The following AGO3 variants were observed in gnomAD, a reference collection of about 807,000 sequenced individuals.
The protein encoded by AGO3 is argonaute RISC catalytic component 3, also known as protein argonaute-3.
A neutral mutation model predicts 105.5 loss-of-function variants in AGO3; 16 were observed. The observed-to-expected ratio is 0.15, with a 90% CI of 0.10 to 0.23. The LOEUF is 0.23. Among genes scored for constraint, AGO3 ranks in the 10% least tolerant of loss-of-function variants. The pLI is 1.00. For missense variants in AGO3, 534 were observed against 1,088.0 expected, an observed-to-expected ratio of 0.49 and a Z score of 7.16; for synonymous variants, 340 against 367.3, an observed-to-expected ratio of 0.93 and a Z score of 0.85.
rs1048771421 is a variant in AGO3 at position 36,064,304 on chromosome 1, C to G, written c.*8559C>G. 6.6e-6 allele frequency: 1 copy of G among 152,238 alleles called. No homozygotes were observed. The highest frequency in any genetic ancestry group is 2.4e-5 in the African/African-American group (1 of 41,416). 9.4% of individuals were successfully genotyped at this position (152,238 alleles called of 1,614,324 possible). A position where few individuals can be genotyped will look rare whatever the true frequency, so the allele number is the denominator to read the frequency against. ...CTGAGGCAGGAGAATCACTTGAACTCGGGAGGCGGAGGTTGCAGTGAGCCA... is the reference window on the plus strand; with the variant it reads ...CTGAGGCAGGAGAATCACTTGAACTGGGGAGGCGGAGGTTGCAGTGAGCCA... On this transcript the variant is annotated 3_prime_UTR_variant, in exon 19 of 19. Transcript: ENST00000373191.
At chr1:36,038,252 C>CTT (rs781058020) in intron 14 of AGO3, among the ~76,000 whole-genome samples, 9,823 of 112,556 alleles carry the variant, frequency 0.087, 892 homozygotes, top group African/African-American at 0.16. Flanking sequence ...TGGATTTATT[C>CTT]TTTTTTTTTT....
chr1:36,015,569 G>A (rs745739986), intron 11 of AGO3, among the ~76,000 whole-genome samples: 1 of 152,142 alleles, frequency 6.6e-6, no homozygotes, highest in Non-Finnish European at 1.5e-5. Context: ...CTACCTATAG[G>A]CTACCAGCCG....
In AGO3 at chr1:36,039,876, G is replaced by A. The variant is rs770936715; in HGVS notation, c.1929G>A (p.Leu643=). Residue 643 remains leucine, a synonymous_variant, in exon 15 of 19, where the codon TTG becomes TTA. Transcript: ENST00000373191. ...CCCGACAGGAGATCATCCAGGACTT[G>A]GCCTCCATGGTCCGGGAACTTCTTA... is the stretch of plus-strand genomic sequence containing the variant. ...QRPRQEIIQD[L]ASMVRELLIQ... 6.2e-7 allele frequency: 1 copy of A among 1,613,888 alleles called. No homozygotes were observed. The highest frequency in any genetic ancestry group is 8.5e-7 in the Non-Finnish European group (1 of 1,179,930).
At position 36,058,200 on chromosome 1, in the gene AGO3, A is replaced by T; in HGVS notation, c.*2455A>T. The T allele has an allele frequency of 6.6e-6, 1 of 152,196 alleles. No homozygotes were observed. The allele number at this position is 152,196 out of a possible 1,614,324, so 9.4% of individuals were successfully genotyped here. On this transcript the variant is annotated 3_prime_UTR_variant, in exon 19 of 19. Transcript: ENST00000373191. ...AGATGATATTTTAAAACTTTTGCTAATGTATCACCAGTATAACTTTCCTTT... is the reference window on the plus strand; with the variant it reads ...AGATGATATTTTAAAACTTTTGCTATTGTATCACCAGTATAACTTTCCTTT...
At chr1:36,044,482 G>A (rs1165553182) in intron 17 of AGO3, among the ~76,000 whole-genome samples, 1 of 151,936 alleles carries the variant, frequency 6.6e-6, no homozygotes, top group Non-Finnish European at 1.5e-5. Flanking sequence ...GGAGTACAGT[G>A]GCATGATCTC....
At chr1:36,051,581 G>A (rs1236426662) in intron 17 of AGO3, among the ~76,000 whole-genome samples, 1 of 151,882 alleles carries the variant, frequency 6.6e-6, no homozygotes, top group African/African-American at 2.4e-5. Context: ...TTAGCTGGAC[G>A]TGCTGACATG....
At chr1:36,051,529 G>A (rs1328189625) in intron 17 of AGO3, among the ~76,000 whole-genome samples, 1 of 152,008 alleles carries the variant, frequency 6.6e-6, no homozygotes, top group Non-Finnish European at 1.5e-5. Context: ...AGACAAGCCT[G>A]GGCAACATAG....
Position 36,009,610 on chromosome 1 carries a change from T to A in AGO3, c.1149+16T>A. ...TAGCAGATTGGTTAGTACTTAACCT[T>A]AGAAATGAGAATTTAAAACATATTA... On this transcript the variant is annotated intron_variant, in intron 9 of 18. Coordinates refer to ENST00000373191, the MANE Select transcript of AGO3 (RefSeq NM_024852.4). The A allele has an allele frequency of 6.2e-7, 1 of 1,601,414 alleles. No homozygotes were observed. The highest frequency in any genetic ancestry group is 1.8e-5 in the Admixed American group (1 of 55,186).
intron 2 of AGO3, among the ~76,000 whole-genome samples, chr1:35,954,838 GT>G (rs1440717590): frequency 6.6e-6 from 1 of 152,196 alleles, no homozygotes; most frequent in Non-Finnish European, 1.5e-5. Flanking sequence ...CAAAATAATT[GT>G]ATCATAAAAG....
At chr1:36,044,280 G>A (rs1642369685) in intron 17 of AGO3, among the ~76,000 whole-genome samples, 1 of 152,142 alleles carries the variant, frequency 6.6e-6, no homozygotes, top group Non-Finnish European at 1.5e-5. Context: ...GGAGGCAGAG[G>A]GAGGTTGCCA....
intron 2 of AGO3, among the ~76,000 whole-genome samples, chr1:35,947,243 A>C: frequency 6.6e-6 from 1 of 152,004 alleles, no homozygotes; most frequent in African/African-American, 2.4e-5. Context: ...CAACATTCCT[A>C]TAGGTGGTTT....
At chr1:35,946,327 A>G (rs537461205) in intron 2 of AGO3, among the ~76,000 whole-genome samples, 7 of 152,238 alleles carry the variant, frequency 4.6e-5, no homozygotes, top group Admixed American at 4.6e-4. Context: ...TTACCATTAT[A>G]TAGGAATAAG....
intron 11 of AGO3, among the ~76,000 whole-genome samples, chr1:36,022,536 C>T (rs1295098983): frequency 2.0e-5 from 3 of 152,070 alleles, no homozygotes; most frequent in Non-Finnish European, 2.9e-5. Flanking sequence ...CTCAGTTCTT[C>T]AGAAATTAAG....
At chr1:35,981,952 A>G (rs1033394722) in intron 5 of AGO3, among the ~76,000 whole-genome samples, 12 of 152,178 alleles carry the variant, frequency 7.9e-5, no homozygotes, top group Non-Finnish European at 1.6e-4. Flanking sequence ...ATATTTACTT[A>G]GAAGTTGGCA....
At chr1:35,953,059 G>T (rs1389923745) in intron 2 of AGO3, among the ~76,000 whole-genome samples, 2 of 151,990 alleles carry the variant, frequency 1.3e-5, no homozygotes, top group African/African-American at 4.8e-5. Flanking sequence ...CATTTATGTT[G>T]GATATATACC....
rs139870353 is a variant in AGO3, at chr1:36,001,815, G to T, written c.659-2526G>T. Among the ~76,000 whole-genome samples, 38 of 152,092 alleles carry T rather than the reference G, an allele frequency of 2.5e-4. No individual in the cohort carries two copies. In the East Asian group the frequency reaches 6.8e-3, roughly 27 times the overall value. ...TATACATACCTAAGTACTAACAATG[G>T]TTACTTATTAGAGCTATTTGGAGCG... On this transcript the variant is annotated intron_variant, in intron 5 of 18. Coordinates refer to ENST00000373191, the MANE Select transcript of AGO3 (RefSeq NM_024852.4).
chr1:36,008,813 G>A lies in AGO3; in HGVS notation c.881+36G>A. On this transcript the variant is annotated intron_variant, in intron 7 of 18. Transcript: ENST00000373191. The surrounding 1 kb of genome is among the most constrained non-coding windows in gnomAD (Gnocchi z 5.1). Reference sequence around the variant, plus strand: ...TTTGTCAGAGCAGCGATGGTGTGAGGCAGCTTGCTCTAGTTAGTGGGGTTG... The same window carrying A: ...TTTGTCAGAGCAGCGATGGTGTGAGACAGCTTGCTCTAGTTAGTGGGGTTG... 1 of 1,613,812 alleles carries A rather than the reference G, an allele frequency of 6.2e-7. No homozygotes were observed. Among genetic ancestry groups the A allele is most frequent in the African/African-American group, 1.3e-5 (1 of 75,002 alleles).
At chr1:35,940,579 A>C (rs1423796776) in intron 1 of AGO3, among the ~76,000 whole-genome samples, 2 of 152,058 alleles carry the variant, frequency 1.3e-5, no homozygotes, top group East Asian at 3.9e-4. Context: ...ATTTCCTGTA[A>C]ACTGCTAGTG....
chr1:35,947,375 G>A (rs935110474), intron 2 of AGO3, among the ~76,000 whole-genome samples: 91 of 152,034 alleles, frequency 6.0e-4, no homozygotes, highest in African/African-American at 2.1e-3. Context: ...TGTTCCTAAA[G>A]TGAACAACAC....
Sources: gnomAD v4.1 joint callset for allele counts (sites outside exome capture counted in the v4.1 genomes callset) on GRCh38, gnomAD v4.1.1 for gene constraint, Gnocchi (gnomAD v3.1) non-coding constraint, MANE v1.5 for transcripts, NCBI Gene and HGNC (gene_info 2026-07-23, HGNC 2026-07-21) for gene names.